RNFT2: variants seen among roughly 807,000 people sequenced by gnomAD.
The protein encoded by RNFT2 is E3 ubiquitin-protein ligase RNFT2.
Under a neutral mutation model 53.0 loss-of-function variants are expected in RNFT2, and 36 were observed. That is an observed-to-expected ratio of 0.68 (90% CI 0.52 to 0.90). The LOEUF is 0.90. Ranked by LOEUF, RNFT2 falls within the 40% of genes least tolerant of loss-of-function variation. The pLI, the probability that RNFT2 is intolerant of heterozygous loss-of-function variation, is 0.00. For synonymous variants in RNFT2, 260 were observed against 253.2 expected, an observed-to-expected ratio of 1.03 and a Z score of -0.26; for missense variants, 514 against 585.6, an observed-to-expected ratio of 0.88 and a Z score of 1.26.
intron 7 of RNFT2, among the ~76,000 whole-genome samples, chr12:116,827,477 T>C (rs1876402223): frequency 6.6e-6 from 1 of 152,072 alleles, no homozygotes; most frequent in South Asian, 2.1e-4. Flanking sequence ...TAGAGCCTTC[T>C]GGGAAATCCT....
chr12:116,849,455 A>T lies in RNFT2; in HGVS notation c.*7A>T, dbSNP rs1401110007. On this transcript the variant is annotated 3_prime_UTR_variant, in exon 11 of 11. Transcript: ENST00000257575. ...ACACTTCCAGGTGTACTAGGACCGAACACTGAGGACACCCAGAAGGACGCC... is the reference window on the plus strand; with the variant it reads ...ACACTTCCAGGTGTACTAGGACCGATCACTGAGGACACCCAGAAGGACGCC... 2 of 1,579,660 alleles carry T rather than the reference A, an allele frequency of 1.3e-6. No homozygotes were observed. The highest frequency in any genetic ancestry group is 1.7e-6 in the Non-Finnish European group (2 of 1,161,988).
At chr12:116,784,709 C>T (rs543160024) in intron 7 of RNFT2, among the ~76,000 whole-genome samples, 2 of 152,292 alleles carry the variant, frequency 1.3e-5, no homozygotes, top group Admixed American at 6.5e-5. Context: ...TTCTTCCTTG[C>T]TTCTTCCAGT....
chr12:116,822,603 CACT>C (rs1876102384), intron 7 of RNFT2, among the ~76,000 whole-genome samples: 1 of 152,138 alleles, frequency 6.6e-6, no homozygotes, highest in African/African-American at 2.4e-5. Flanking sequence ...TCATCACCAC[CACT>C]ACTACCACCT....
rs1288677250 is a variant in RNFT2, at chr12:116,739,892, A to T, written c.-153-453A>T. 3.3e-5 allele frequency among the ~76,000 whole-genome samples: 5 copies of T among 152,320 alleles called. No individual in the cohort carries two copies. In the South Asian group the frequency reaches 1.0e-3, roughly 32 times the overall value. ...TCAGGACTCTTAGTTTGACAATAGG[A>T]TGAAATACAATACCTTAAGAGTTTC... On this transcript the variant is annotated intron_variant, in intron 1 of 10. Coordinates refer to ENST00000257575, the MANE Select transcript of RNFT2 (RefSeq NM_001382266.1).
At chr12:116,808,592 C>G (rs1875198717) in intron 7 of RNFT2, among the ~76,000 whole-genome samples, 1 of 152,068 alleles carries the variant, frequency 6.6e-6, no homozygotes, top group South Asian at 2.1e-4. Flanking sequence ...TTATGTAGTC[C>G]CGCCTGGCTC....
intron 6 of RNFT2, among the ~76,000 whole-genome samples, chr12:116,770,518 G>T (rs1873125108): frequency 6.6e-6 from 1 of 151,986 alleles, no homozygotes; most frequent in Non-Finnish European, 1.5e-5. Context: ...GAATGTAACA[G>T]CTTTTAAAAG....
Position 116,779,187 on chromosome 12 carries a change from C to A in RNFT2, c.729-8C>A, listed in dbSNP as rs772675497. 1.2e-6 allele frequency: 2 copies of A among 1,613,536 alleles called. No homozygotes were observed. Among genetic ancestry groups the A allele is most frequent in the South Asian group, 1.1e-5 (1 of 91,048 alleles). On this transcript the variant is annotated splice_polypyrimidine_tract_variant and splice_region_variant and intron_variant, in intron 6 of 10. Coordinates refer to ENST00000257575, the MANE Select transcript of RNFT2 (RefSeq NM_001382266.1). ...GGAACCTTCTGACTCTCTCAATCCT[C>A]CCCCCAGCCTCATATTCCTGAAGCC...
chr12:116,841,840 TATATAAATATATATAAAA>T (rs1877301761), intron 10 of RNFT2, among the ~76,000 whole-genome samples: 4 of 21,682 alleles, frequency 1.8e-4, no homozygotes, highest in African/African-American at 6.1e-4. Context: ...TATAAATATA[TATATAAATATATATAAAA>T]ATATATATAT....
At chr12:116,785,937 A>G (rs1873914475) in intron 7 of RNFT2, among the ~76,000 whole-genome samples, 1 of 152,080 alleles carries the variant, frequency 6.6e-6, no homozygotes, top group Non-Finnish European at 1.5e-5. Context: ...CTGTAGTCCC[A>G]GCTACTCAGG....
At position 116,750,132 on chromosome 12, in the gene RNFT2, C is replaced by T. The variant is rs752969727; in HGVS notation, c.375C>T (p.Ser125=). 1.3e-5 allele frequency: 20 copies of T among 1,578,890 alleles called. No individual in the cohort carries two copies. The African/African-American group carries it at 2.3e-4, about 18-fold the overall frequency. The part of the protein sequence containing the change: ...HFHHGGHRGG[S]LLQHVGGDHR... The stretch of plus-strand genomic sequence containing the variant: ...ACCATGGCGGCCACCGCGGGGGCTC[C>T]CTGCTGCAGCACGTGGGTGGGGACC... The change falls in exon 4 of 11, where the codon TCC becomes TCT. Residue 125 remains serine, a synonymous_variant. Coordinates refer to ENST00000257575, the MANE Select transcript of RNFT2 (RefSeq NM_001382266.1).
intron 10 of RNFT2, among the ~76,000 whole-genome samples, chr12:116,847,584 A>G (rs1331185119): frequency 2.0e-5 from 3 of 151,408 alleles, no homozygotes; most frequent in Admixed American, 1.3e-4. Flanking sequence ...CTGGAACACA[A>G]TGGCACGATC....
rs1877926265 is a variant in RNFT2 at position 116,851,594 on chromosome 12, G to T, written c.*2146G>T. On this transcript the variant is annotated 3_prime_UTR_variant, in exon 11 of 11. Transcript: ENST00000257575. Reference sequence around the variant, plus strand: ...TCTTTACTAAAAAATACAAAAATTAGCCGGGCGCGGTGGCGGGTGCCTGTA... The same window carrying T: ...TCTTTACTAAAAAATACAAAAATTATCCGGGCGCGGTGGCGGGTGCCTGTA... 1 of 597,874 alleles carries T rather than the reference G, an allele frequency of 1.7e-6. No individual in the cohort carries two copies. The highest frequency in any genetic ancestry group is 3.0e-6 in the Non-Finnish European group (1 of 337,974). 37.0% of individuals were successfully genotyped at this position (597,874 alleles called of 1,614,324 possible). A position where few individuals can be genotyped will look rare whatever the true frequency, so the allele number is the denominator to read the frequency against.
At chr12:116,796,353 A>G (rs1174154642) in intron 7 of RNFT2, among the ~76,000 whole-genome samples, 1 of 152,184 alleles carries the variant, frequency 6.6e-6, no homozygotes, top group Non-Finnish European at 1.5e-5. Flanking sequence ...ACAGCATTTG[A>G]CCAACTTGCC....
Position 116,849,619 on chromosome 12 carries a change from C to CCTCT in RNFT2, c.*175_*178dup. The CCTCT allele has an allele frequency of 7.2e-7, 1 of 1,393,568 alleles. No individual in the cohort carries two copies. The highest frequency in any genetic ancestry group is 9.3e-7 in the Non-Finnish European group (1 of 1,072,286). 86.3% of individuals were successfully genotyped at this position (1,393,568 alleles called of 1,614,324 possible). A position where few individuals can be genotyped will look rare whatever the true frequency, so the allele number is the denominator to read the frequency against. On this transcript the variant is annotated 3_prime_UTR_variant, in exon 11 of 11. Transcript: ENST00000257575. ...GTCTTGTCCTTCTGACCTTCATCTT[C>CCTCT]CTCTCTCGTTCTGTGGTATAGTGCG...
At chr12:116,827,698 C>T (rs147981527) in intron 7 of RNFT2, among the ~76,000 whole-genome samples, 167 of 152,290 alleles carry the variant, frequency 1.1e-3, no homozygotes, top group African/African-American at 3.2e-3. Flanking sequence ...TGCCACAGAC[C>T]GTATGGCCTG....
rs889140952 is a variant in RNFT2 at position 116,851,504 on chromosome 12, T to C, written c.*2056T>C. 37 of 491,890 alleles carry C rather than the reference T, an allele frequency of 7.5e-5. No homozygotes were observed. Among genetic ancestry groups the C allele is most frequent in the African/African-American group, 6.7e-4 (35 of 52,060 alleles). 30.5% of individuals were successfully genotyped at this position (491,890 alleles called of 1,614,324 possible). A position where few individuals can be genotyped will look rare whatever the true frequency, so the allele number is the denominator to read the frequency against. On this transcript the variant is annotated 3_prime_UTR_variant, in exon 11 of 11. Transcript: ENST00000257575. Reference sequence around the variant, plus strand: ...CTGTAGTGCCAGCATTTTGGGAGGCTGAAGCAGGCGGGTCACCTGAGGTCA... The same window carrying C: ...CTGTAGTGCCAGCATTTTGGGAGGCCGAAGCAGGCGGGTCACCTGAGGTCA...
chr12:116,740,533 C>T lies in RNFT2; in HGVS notation c.24+12C>T, dbSNP rs1164854544. 1 of 1,565,932 alleles carries T rather than the reference C, an allele frequency of 6.4e-7. No homozygotes were observed. Among genetic ancestry groups the T allele is most frequent in the East Asian group, 2.3e-5 (1 of 42,598 alleles). ...TCACAGTGAATCAGGTGACACGTCT[C>T]CAAGAGAATTTGCATCTTTATTACT... On this transcript the variant is annotated intron_variant, in intron 2 of 10. Transcript: ENST00000257575.
intron 7 of RNFT2, among the ~76,000 whole-genome samples, chr12:116,821,400 C>T (rs1437942785): frequency 6.6e-6 from 1 of 152,236 alleles, no homozygotes; most frequent in Non-Finnish European, 1.5e-5. Context: ...GCTCATTAGC[C>T]CAGCCCTTCA....
intron 3 of RNFT2, among the ~76,000 whole-genome samples, chr12:116,742,527 A>T (rs1592932393): frequency 6.6e-6 from 1 of 152,094 alleles, no homozygotes. Flanking sequence ...TTGGCCGCCC[A>T]AGCTCCTGCT....
Sources: allele counts gnomAD v4.1 joint callset (sites outside exome capture counted in the v4.1 genomes callset), GRCh38; gene constraint gnomAD v4.1.1; transcripts MANE v1.5; gene names NCBI Gene and HGNC (gene_info 2026-07-23, HGNC 2026-07-21).